Variants in SAMSN1 observed in about 807,000 individuals in gnomAD.
SAMSN1 encodes SAM domain-containing protein SAMSN-1.
In SAMSN1, 31 loss-of-function variants were observed where a neutral mutation model predicts 42.0. The ratio of observed to expected loss-of-function variants is 0.74; its 90% confidence interval spans 0.55 to 1.00. The LOEUF is 1.00. Among genes scored for constraint, SAMSN1 ranks in the 50% least tolerant of loss-of-function variants. The probability of loss-of-function intolerance (pLI) is 0.00; values close to 1 mark genes in which losing one functional copy is unlikely to be tolerated. For synonymous variants in SAMSN1, 178 were observed against 151.9 expected, an observed-to-expected ratio of 1.17 and a Z score of -1.26; for missense variants, 464 against 439.4, an observed-to-expected ratio of 1.06 and a Z score of -0.50.
chr21:14,570,614 T>G (rs1468274660), intron 2 of SAMSN1, among the ~76,000 whole-genome samples: 1 of 152,216 alleles, frequency 6.6e-6, no homozygotes, highest in Non-Finnish European at 1.5e-5. Context: ...CTTTTGAAAC[T>G]GACATTTCTT....
At chr21:14,659,088 C>T (rs1320075590), upstream of SAMSN1, among the ~76,000 whole-genome samples, 2 of 151,934 alleles carry the variant, frequency 1.3e-5, no homozygotes, top group Non-Finnish European at 2.9e-5. Context: ...GAAACAACTA[C>T]AGGCAAACCT....
At chr21:14,604,833 C>T (rs776428170) in intron 5 of SAMSN1, among the ~76,000 whole-genome samples, 21 of 152,216 alleles carry the variant, frequency 1.4e-4, no homozygotes, top group Non-Finnish European at 8.8e-5. Flanking sequence ...TACCAGATGT[C>T]GAAGTCCTCC....
At chr21:14,635,989 T>G (rs1263088874) in intron 2 of SAMSN1, among the ~76,000 whole-genome samples, 1 of 152,112 alleles carries the variant, frequency 6.6e-6, no homozygotes, top group East Asian at 1.9e-4. Context: ...GGCCCTGGTG[T>G]GTGATGTTCC....
At chr21:14,596,433 T>A (rs992699221) in intron 6 of SAMSN1, among the ~76,000 whole-genome samples, 1 of 152,184 alleles carries the variant, frequency 6.6e-6, no homozygotes, top group African/African-American at 2.4e-5. Context: ...TAAAATACAC[T>A]CACAAATTCT....
At chr21:14,531,077 T>A (rs986131260) in intron 1 of SAMSN1, among the ~76,000 whole-genome samples, 1 of 152,074 alleles carries the variant, frequency 6.6e-6, no homozygotes, top group African/African-American at 2.4e-5. Flanking sequence ...TACAAATAAA[T>A]AATTCTGCCT....
At chr21:14,637,412 A>C (rs192348184) in intron 2 of SAMSN1, among the ~76,000 whole-genome samples, 21 of 152,374 alleles carry the variant, frequency 1.4e-4, no homozygotes. Flanking sequence ...TATTAAAATT[A>C]ATTTAACCTG....
At position 14,500,687 on chromosome 21, in the gene SAMSN1, T is replaced by A. The variant is rs1218606718; in HGVS notation, c.610A>T (p.Thr204Ser). 1.9e-6 allele frequency: 3 copies of A among 1,614,048 alleles called. No homozygotes were observed. Among genetic ancestry groups the A allele is most frequent in the Non-Finnish European group, 2.5e-6 (3 of 1,180,012 alleles). Residue 204 changes from threonine to serine, a missense_variant, in exon 6 of 8, where the codon ACA becomes TCA. Thr to Ser is a moderately conservative substitution (Grantham distance 58, BLOSUM62 1). Coordinates refer to ENST00000400566, the MANE Select transcript of SAMSN1 (RefSeq NM_022136.5). ...IICKTPMGMW[T>S]GMLNNKVGNF... is the part of the protein sequence containing the mutation. Reference sequence around the variant, plus strand: ...CCCACTTTATTGTTCAACATTCCTGTCCACATCCCCATTGGTGTTTTGCAA... The same window carrying A: ...CCCACTTTATTGTTCAACATTCCTGACCACATCCCCATTGGTGTTTTGCAA...
intron 2 of SAMSN1, among the ~76,000 whole-genome samples, chr21:14,551,877 A>T (rs1706609223): frequency 6.6e-6 from 1 of 152,090 alleles, no homozygotes; most frequent in Admixed American, 6.6e-5. Flanking sequence ...TCAGGATTCA[A>T]TCCAAAGCCT....
At chr21:14,593,506 A>C (rs950868715) in intron 7 of SAMSN1, among the ~76,000 whole-genome samples, 7 of 152,124 alleles carry the variant, frequency 4.6e-5, no homozygotes, top group African/African-American at 1.7e-4. Flanking sequence ...TGTGATTTTA[A>C]TATCATAAGG....
At chr21:14,585,554 T>C (rs959022619), upstream of SAMSN1, 4 of 152,216 alleles carry the variant, frequency 2.6e-5, no homozygotes, top group Non-Finnish European at 5.9e-5. Flanking sequence ...TAAGATCTCA[T>C]GTCCTAGAGG....
At chr21:14,527,428 A>G (rs1168747829) in intron 1 of SAMSN1, among the ~76,000 whole-genome samples, 2 of 152,250 alleles carry the variant, frequency 1.3e-5, no homozygotes, top group Non-Finnish European at 2.9e-5. Context: ...AAAGACAACT[A>G]GAGCTGTAAA....
intron 2 of SAMSN1, among the ~76,000 whole-genome samples, chr21:14,625,462 C>G (rs554281005): frequency 6.6e-6 from 1 of 152,284 alleles, no homozygotes; most frequent in African/African-American, 2.4e-5. Flanking sequence ...ACAAAAATCA[C>G]AAGCATTCTT....
intron 7 of SAMSN1, among the ~76,000 whole-genome samples, chr21:14,486,655 A>G (rs1986449780): frequency 6.6e-6 from 1 of 152,170 alleles, no homozygotes; most frequent in African/African-American, 2.4e-5. Context: ...AAAACTTTAA[A>G]TATCCAGAAT....
At chr21:14,528,272 A>G (rs558406837) in intron 1 of SAMSN1, among the ~76,000 whole-genome samples, 11 of 152,206 alleles carry the variant, frequency 7.2e-5, no homozygotes, top group Middle Eastern at 3.4e-3. Flanking sequence ...CTTCTTCTCT[A>G]ACTAATAAGC....
chr21:14,545,036 A>G (rs1012452931), intron 1 of SAMSN1, among the ~76,000 whole-genome samples: 2 of 152,132 alleles, frequency 1.3e-5, no homozygotes, highest in Non-Finnish European at 2.9e-5. Context: ...TTTTTCTTAT[A>G]TTAGGGAAAA....
chr21:14,568,531 C>A (rs1371769279), intron 2 of SAMSN1, among the ~76,000 whole-genome samples: 1 of 152,178 alleles, frequency 6.6e-6, no homozygotes, highest in East Asian at 1.9e-4. Context: ...TTAATATAAT[C>A]CACAAGTACT....
rs147767494 is a variant in SAMSN1 at position 14,523,574 on chromosome 21, C to A, written c.58-2353G>T. Among the ~76,000 whole-genome samples the A allele has an allele frequency of 9.2e-5, 14 of 152,264 alleles. No individual in the cohort carries two copies. In the South Asian group the frequency reaches 2.1e-3, roughly 23 times the overall value. Reference sequence around the variant, plus strand: ...TCAGCAATCACAGAAGGGAATTGAGCGTATTGTTGTCCTGCTTATAAACAA... The same window carrying A: ...TCAGCAATCACAGAAGGGAATTGAGAGTATTGTTGTCCTGCTTATAAACAA... On this transcript the variant is annotated intron_variant, in intron 1 of 7. Transcript: ENST00000400566.
chr21:14,558,174 T>C (rs982460278), intron 2 of SAMSN1, among the ~76,000 whole-genome samples: 2 of 152,194 alleles, frequency 1.3e-5, no homozygotes, highest in Admixed American at 6.5e-5. Context: ...CAGGAAATGG[T>C]TGTTGAATAA....
At chr21:14,513,624 TGA>T in intron 3 of SAMSN1, among the ~76,000 whole-genome samples, 1 of 152,220 alleles carries the variant, frequency 6.6e-6, no homozygotes, top group Admixed American at 6.5e-5. Context: ...CTGGGTGATG[TGA>T]GAGAATTTGT....
Sources: allele counts gnomAD v4.1 joint callset (sites outside exome capture counted in the v4.1 genomes callset), GRCh38; gene constraint gnomAD v4.1.1; transcripts MANE v1.5; gene names NCBI Gene and HGNC (gene_info 2026-07-23, HGNC 2026-07-21).